NKAIN2: variants seen among roughly 807,000 people sequenced by gnomAD.
The protein encoded by NKAIN2 is sodium/potassium-transporting ATPase subunit beta-1-interacting protein 2.
A neutral mutation model predicts 32.6 loss-of-function variants in NKAIN2; 14 were observed. The ratio of observed to expected loss-of-function variants is 0.43; its 90% CI spans 0.28 to 0.67. NKAIN2 has a LOEUF of 0.67. Ranked by LOEUF, NKAIN2 falls within the 30% of genes least tolerant of loss-of-function variation. The pLI is 0.17. For missense variants in NKAIN2, 198 were observed against 258.3 expected, an observed-to-expected ratio of 0.77 and a Z score of 1.60; for synonymous variants, 80 against 87.2, an observed-to-expected ratio of 0.92 and a Z score of 0.46.
At chr6:124,220,813 G>A (rs1296042763) in intron 1 of NKAIN2, among the ~76,000 whole-genome samples, 1 of 151,930 alleles carries the variant, frequency 6.6e-6, no homozygotes, top group East Asian at 1.9e-4. Flanking sequence ...AATAATTCCT[G>A]GGATATACTA....
At chr6:123,918,058 T>G (rs1775579230) in intron 1 of NKAIN2, among the ~76,000 whole-genome samples, 2 of 152,228 alleles carry the variant, frequency 1.3e-5, no homozygotes, top group Non-Finnish European at 2.9e-5. Flanking sequence ...GACTATATTT[T>G]AATACTATCC....
intron 4 of NKAIN2, among the ~76,000 whole-genome samples, chr6:124,709,454 G>A (rs1775309083): frequency 6.6e-6 from 1 of 151,790 alleles, no homozygotes; most frequent in African/African-American, 2.4e-5. Flanking sequence ...ATTCGGCTGT[G>A]AATCCATCTG....
At chr6:124,261,600 C>A (rs1794249678) in intron 1 of NKAIN2, among the ~76,000 whole-genome samples, 2 of 152,242 alleles carry the variant, frequency 1.3e-5, no homozygotes, top group Non-Finnish European at 2.9e-5. Context: ...GTACATGACG[C>A]CCGTAATCCT....
intron 4 of NKAIN2, among the ~76,000 whole-genome samples, chr6:124,703,709 G>A (rs777490019): frequency 4.6e-5 from 7 of 151,928 alleles, no homozygotes; most frequent in Admixed American, 3.3e-4. Flanking sequence ...AAGTGACTCC[G>A]TGCTGGCTCT....
At chr6:124,191,361 G>A (rs1790011690) in intron 1 of NKAIN2, among the ~76,000 whole-genome samples, 1 of 151,560 alleles carries the variant, frequency 6.6e-6, no homozygotes, top group Non-Finnish European at 1.5e-5. Flanking sequence ...CATAAGTATG[G>A]TTTTGCTGCT....
At chr6:124,416,869 C>G (rs1774512460) in intron 3 of NKAIN2, among the ~76,000 whole-genome samples, 1 of 152,020 alleles carries the variant, frequency 6.6e-6, no homozygotes, top group African/African-American at 2.4e-5. Context: ...ATAAGGAACC[C>G]TCCCCTCTAC....
chr6:123,917,434 T>C (rs899624835), intron 1 of NKAIN2, among the ~76,000 whole-genome samples: 7 of 152,130 alleles, frequency 4.6e-5, no homozygotes, highest in African/African-American at 1.7e-4. Flanking sequence ...AATGTGTACG[T>C]TTAGGCAAAA....
At chr6:124,228,820 A>C (rs2689901) in intron 1 of NKAIN2, among the ~76,000 whole-genome samples, 1 of 152,132 alleles carries the variant, frequency 6.6e-6, no homozygotes, top group African/African-American at 2.4e-5. Flanking sequence ...ATGGTGCTTC[A>C]AAATTGTCAA....
intron 3 of NKAIN2, among the ~76,000 whole-genome samples, chr6:124,483,222 A>G (rs1285596856): frequency 6.6e-6 from 1 of 152,220 alleles, no homozygotes; most frequent in Non-Finnish European, 1.5e-5. Flanking sequence ...TAATGAATCT[A>G]TCAAGTTCCG....
intron 2 of NKAIN2, among the ~76,000 whole-genome samples, chr6:124,347,303 A>G (rs1798476916): frequency 6.6e-6 from 1 of 151,934 alleles, no homozygotes; most frequent in East Asian, 1.9e-4. Flanking sequence ...GAATCTGACA[A>G]TTATGTGTCT....
At chr6:124,258,701 A>G (rs1279767197) in intron 1 of NKAIN2, among the ~76,000 whole-genome samples, 1 of 152,224 alleles carries the variant, frequency 6.6e-6, no homozygotes, top group Non-Finnish European at 1.5e-5. Context: ...TCATTCAAAG[A>G]GGAAATTAAA....
At chr6:124,049,894 C>T (rs149710666) in intron 1 of NKAIN2, among the ~76,000 whole-genome samples, 33 of 152,026 alleles carry the variant, frequency 2.2e-4, no homozygotes, top group African/African-American at 7.2e-4. Flanking sequence ...GCAGTTTGGA[C>T]GTGCCAAAGA....
chr6:123,838,948 ACTCT>A (rs1317744510), intron 1 of NKAIN2, among the ~76,000 whole-genome samples: 1 of 152,064 alleles, frequency 6.6e-6, no homozygotes, highest in Non-Finnish European at 1.5e-5. Flanking sequence ...ATGGATAATG[ACTCT>A]CTCTCACAAT....
chr6:124,821,632 T>TA (rs1781398681), intron 6 of NKAIN2, among the ~76,000 whole-genome samples: 1 of 152,174 alleles, frequency 6.6e-6, no homozygotes, highest in African/African-American at 2.4e-5. Context: ...CTAAAAGTTA[T>TA]AAAAAATATA....
chr6:124,585,955 C>T (rs1781697504), intron 3 of NKAIN2, among the ~76,000 whole-genome samples: 1 of 152,164 alleles, frequency 6.6e-6, no homozygotes, highest in East Asian at 1.9e-4. Context: ...AAGCTTTTCT[C>T]CTATGTATTC....
chr6:124,353,471 C>T (rs1210823940), intron 2 of NKAIN2, among the ~76,000 whole-genome samples: 2 of 152,078 alleles, frequency 1.3e-5, no homozygotes, highest in African/African-American at 2.4e-5. Flanking sequence ...CAAAGAGGCA[C>T]AGGCCGGGCG....
intron 2 of NKAIN2, among the ~76,000 whole-genome samples, chr6:124,295,264 C>A (rs1795998928): frequency 6.6e-6 from 1 of 151,796 alleles, no homozygotes; most frequent in South Asian, 2.1e-4. Flanking sequence ...ATTCTATCTT[C>A]TAAAACCTTT....
chr6:123,808,542 C>T (rs538363214), intron 1 of NKAIN2, among the ~76,000 whole-genome samples: 1 of 152,236 alleles, frequency 6.6e-6, no homozygotes, highest in Non-Finnish European at 1.5e-5. Flanking sequence ...CAGGAGATAC[C>T]TAGAAACTTC....
intron 4 of NKAIN2, among the ~76,000 whole-genome samples, chr6:124,737,179 C>T (rs1776986974): frequency 1.3e-5 from 2 of 151,934 alleles, no homozygotes; most frequent in Admixed American, 6.6e-5. Flanking sequence ...ACCCAAATCT[C>T]ATCTTGAATT....
Sources: allele counts gnomAD v4.1 joint callset (sites outside exome capture counted in the v4.1 genomes callset), GRCh38; gene constraint gnomAD v4.1.1; transcripts MANE v1.5; gene names NCBI Gene and HGNC (gene_info 2026-07-23, HGNC 2026-07-21).